SLC12A8: variants seen among roughly 807,000 people sequenced by gnomAD.
SLC12A8 encodes cation-chloride cotransporter 9.
Under a neutral mutation model 75.6 loss-of-function variants are expected in SLC12A8, and 69 were observed. That is an observed-to-expected ratio of 0.91 (90% CI 0.75 to 1.11). The LOEUF (loss-of-function observed/expected upper bound fraction) is 1.11. Ranked by LOEUF, SLC12A8 falls within the 50% of genes most tolerant of loss-of-function variation. SLC12A8 has a pLI of 0.00. For missense variants in SLC12A8, 877 were observed against 896.7 expected (o/e 0.98, Z 0.28); for synonymous variants, 365 against 372.8 (o/e 0.98, Z 0.24).
intron 10 of SLC12A8, among the ~76,000 whole-genome samples, chr3:125,105,880 A>G (rs990490615): frequency 6.6e-6 from 1 of 152,046 alleles, no homozygotes; most frequent in Non-Finnish European, 1.5e-5. Flanking sequence ...AAATACAAAA[A>G]TTAGCTGGGT....
At chr3:125,161,973 G>A (rs1934185255) in intron 5 of SLC12A8, among the ~76,000 whole-genome samples, 1 of 152,256 alleles carries the variant, frequency 6.6e-6, no homozygotes, top group African/African-American at 2.4e-5. Context: ...AGGTCTGACT[G>A]GGCTTGCAAG....
At chr3:125,179,121 T>G (rs1934599369) in intron 4 of SLC12A8, among the ~76,000 whole-genome samples, 1 of 152,222 alleles carries the variant, frequency 6.6e-6, no homozygotes, top group Non-Finnish European at 1.5e-5. Flanking sequence ...AGCCCTGCCC[T>G]TGCCATTCTC....
At chr3:125,166,461 A>G (rs1023259392) in intron 5 of SLC12A8, among the ~76,000 whole-genome samples, 1 of 152,146 alleles carries the variant, frequency 6.6e-6, no homozygotes, top group Admixed American at 6.5e-5. Flanking sequence ...TCTTTCTAAA[A>G]TATGAACTTG....
At position 125,153,251 on chromosome 3, in the gene SLC12A8, C is replaced by T. The variant is rs72965868; in HGVS notation, c.623-17469G>A. ...TACTTTCCAAGATGCCAGGATAAAA[C>T]GGCAATAATATGGGATTCCTGTGCT... On this transcript the variant is annotated intron_variant, in intron 5 of 13. Coordinates refer to ENST00000469902, the MANE Select transcript of SLC12A8 (RefSeq NM_024628.6). Among the ~76,000 whole-genome samples, 657 of 152,264 alleles carry T rather than the reference C, an allele frequency of 4.3e-3. 3 individuals carry two copies. Among genetic ancestry groups the T allele is most frequent in the African/African-American group, 0.014 (595 of 41,546 alleles).
At chr3:125,172,191 T>A (rs1934416680) in intron 5 of SLC12A8, among the ~76,000 whole-genome samples, 1 of 151,790 alleles carries the variant, frequency 6.6e-6, no homozygotes, top group Non-Finnish European at 1.5e-5. Flanking sequence ...GGAGAATCAC[T>A]TGAACCCGGG....
rs140783247 is a variant in SLC12A8, at chr3:125,084,701, C to T, written c.1983-649G>A. On this transcript the variant is annotated intron_variant, in intron 13 of 13. Transcript: ENST00000469902. ...AAGAGGAAGAAAGGAGTGAGGAAAG[C>T]TCAGGCTGGCTGTCCAGGCAGCTGC... 2.8e-4 allele frequency among the ~76,000 whole-genome samples: 43 copies of T among 152,328 alleles called. No individual in the cohort carries two copies. In the East Asian group the frequency reaches 7.7e-3, roughly 27 times the overall value.
At chr3:125,193,497 G>C (rs1355785394) in intron 2 of SLC12A8, among the ~76,000 whole-genome samples, 1 of 152,270 alleles carries the variant, frequency 6.6e-6, no homozygotes. Context: ...GAGAGGACTG[G>C]CTGGAGAACT....
chr3:125,109,954 A>T (rs550886520), intron 9 of SLC12A8, among the ~76,000 whole-genome samples: 1 of 152,258 alleles, frequency 6.6e-6, no homozygotes, highest in East Asian at 1.9e-4. Flanking sequence ...CCAGTCCTAA[A>T]AGTGCTAAGG....
chr3:125,204,168 C>A (rs1338871109), intron 2 of SLC12A8, among the ~76,000 whole-genome samples: 3 of 152,138 alleles, frequency 2.0e-5, no homozygotes, highest in Admixed American at 2.0e-4. Flanking sequence ...TTATAGAAAA[C>A]AATATGGAAG....
rs1423406304 is a variant in SLC12A8, at chr3:125,110,332, A to G, written c.916T>C (p.Ser306Pro). The G allele has an allele frequency of 1.9e-6, 3 of 1,611,646 alleles. No homozygotes were observed. The highest frequency in any genetic ancestry group is 2.5e-6 in the Non-Finnish European group (3 of 1,178,234). ...RYDFLIAEKV[S>P]LMGFLFLLGL... ...AAAAGGAACAGGAAGCCCATGAGGG[A>G]TACCTGTGTGAGAAGCGGTTTCATT... Residue 306 changes from serine to proline, a missense_variant, in exon 9 of 14, where the codon TCC (serine) becomes CCC (proline). Coordinates refer to ENST00000469902, the MANE Select transcript of SLC12A8 (RefSeq NM_024628.6).
intron 12 of SLC12A8, among the ~76,000 whole-genome samples, chr3:125,091,063 TTG>T (rs2107731817): frequency 6.6e-6 from 1 of 152,332 alleles, no homozygotes; most frequent in South Asian, 2.1e-4. Flanking sequence ...ACTATAACTG[TTG>T]TGTTATCTTA....
At chr3:125,163,001 A>G (rs1235860247) in intron 5 of SLC12A8, among the ~76,000 whole-genome samples, 1 of 152,156 alleles carries the variant, frequency 6.6e-6, no homozygotes, top group East Asian at 1.9e-4. Context: ...AAACCTAATA[A>G]AGGTTTGAAA....
intron 5 of SLC12A8, chr3:125,151,399 A>T (rs537653763): frequency 9.7e-5 from 15 of 154,338 alleles, no homozygotes; most frequent in African/African-American, 3.1e-4. Context: ...ACTCATGGAA[A>T]GGGAAGAACA....
intron 5 of SLC12A8, among the ~76,000 whole-genome samples, chr3:125,141,241 C>G (rs1051449276): frequency 6.6e-6 from 1 of 152,178 alleles, no homozygotes; most frequent in Non-Finnish European, 1.5e-5. Flanking sequence ...AGGGAAAGTC[C>G]TTGAAGCTCT....
chr3:125,091,427 T>C lies in SLC12A8; in HGVS notation c.1921+12A>G. ...ATGAGGGAACCAGTGGCAAAATGGC[T>C]CTGCTGCTTACCAAGGTGAAGCCCT... is the stretch of plus-strand genomic sequence containing the variant. On this transcript the variant is annotated intron_variant, in intron 12 of 13. Transcript: ENST00000469902. The C allele has an allele frequency of 1.9e-6, 3 of 1,594,876 alleles. No individual in the cohort carries two copies. In the South Asian group the frequency reaches 3.3e-5, roughly 18 times the overall value.
At chr3:125,101,410 A>C (rs1475964528) in intron 10 of SLC12A8, among the ~76,000 whole-genome samples, 3 of 152,242 alleles carry the variant, frequency 2.0e-5, no homozygotes, top group Admixed American at 6.5e-5. Context: ...AGTGAGCATT[A>C]ATTTTTCAAA....
At chr3:125,117,396 G>A (rs62265709) in intron 8 of SLC12A8, among the ~76,000 whole-genome samples, 24,990 of 147,348 alleles carry the variant, frequency 0.17, 2,279 homozygotes, top group Middle Eastern at 0.3. Context: ...AGACCAGCCT[G>A]AGCAACATGG....
At chr3:125,118,710 G>A (rs1932962029) in intron 8 of SLC12A8, 59 bp downstream of exon 8, 1 of 1,291,368 alleles carries the variant, frequency 7.7e-7, no homozygotes, top group Non-Finnish European at 1.1e-6. Context: ...ATTTGTTGGT[G>A]AGAACAAATA....
Position 125,177,841 on chromosome 3 carries a change from C to T in SLC12A8, c.524G>A (p.Gly175Asp). 1 of 1,614,182 alleles carries T rather than the reference C, an allele frequency of 6.2e-7. No individual in the cohort carries two copies. ...CTGGAGGCGGATTATCCATTTGACA[C>T]CTGCGAGGTTAATGCCCAGCAAGGC... ...LLALLGINLA[G>D]VKWIIRLQLL... Residue 175 changes from glycine to aspartate, a missense_variant, in exon 5 of 14, where the codon GGT (glycine) becomes GAT (aspartate). Coordinates refer to ENST00000469902, the MANE Select transcript of SLC12A8 (RefSeq NM_024628.6).
Sources: allele counts gnomAD v4.1 joint callset (sites outside exome capture counted in the v4.1 genomes callset), GRCh38; gene constraint gnomAD v4.1.1; transcripts MANE v1.5; gene names NCBI Gene and HGNC (gene_info 2026-07-23, HGNC 2026-07-21).